VEZT: variants seen among roughly 807,000 people sequenced by gnomAD.
The protein encoded by VEZT is vezatin, adherens junctions transmembrane protein, also known as vezatin.
A neutral mutation model predicts 79.9 loss-of-function variants in VEZT; 39 were observed. That is an observed-to-expected ratio of 0.49 (90% CI 0.38 to 0.64). The LOEUF (loss-of-function observed/expected upper bound fraction) is 0.64. VEZT is among the 30% of genes least tolerant of loss of function. VEZT has a pLI of 0.00. For missense variants in VEZT, 837 were observed against 893.1 expected (o/e 0.94, Z 0.80); for synonymous variants, 325 against 327.6 (o/e 0.99, Z 0.09).
Position 95,300,660 on chromosome 12 carries a change from TAGA to T in VEZT, c.2332_2334del (p.Glu778del). The T allele has an allele frequency of 6.3e-7, 1 of 1,585,482 alleles. No homozygotes were observed. The highest frequency in any genetic ancestry group is 8.6e-7 in the Non-Finnish European group (1 of 1,163,858). On this transcript the variant is annotated inframe_deletion, in exon 12 of 12. Transcript: ENST00000436874. ...ATAATAGAAGAAAATAAAAATGAGATAGAAGAAAAGTAAGAACCAAGATTCATA... is the reference window on the plus strand; with the variant it reads ...ATAATAGAAGAAAATAAAAATGAGATAGAAAAGTAAGAACCAAGATTCATA...
chr12:95,236,015 C>T (rs1207859476), intron 1 of VEZT, among the ~76,000 whole-genome samples: 15 of 150,948 alleles, frequency 9.9e-5, no homozygotes, highest in Non-Finnish European at 7.4e-5. Flanking sequence ...ACTTCCCAGA[C>T]GGGGTGGCGG....
intron 1 of VEZT, among the ~76,000 whole-genome samples, chr12:95,241,692 A>G (rs2061043902): frequency 6.6e-6 from 1 of 152,180 alleles, no homozygotes; most frequent in African/African-American, 2.4e-5. Flanking sequence ...ATTTACTTTG[A>G]GAACCACTGC....
In VEZT at chr12:95,257,230, T is replaced by G. The variant is rs2063608455; in HGVS notation, c.249T>G (p.Leu83=). The G allele has an allele frequency of 6.2e-7, 1 of 1,607,886 alleles. No homozygotes were observed. The highest frequency in any genetic ancestry group is 1.3e-5 in the African/African-American group (1 of 74,876). ...AGTGCAATAAGAAAGATGACTTACTTCACAAGTTGGTAAGTGGTCACTTCT... is the reference window on the plus strand; with the variant it reads ...AGTGCAATAAGAAAGATGACTTACTGCACAAGTTGGTAAGTGGTCACTTCT... The part of the protein sequence containing the change: ...FSQCNKKDDL[L]HKLDIGFRLD... The change falls in exon 3 of 12, where the codon CTT becomes CTG. Residue 83 remains leucine, a synonymous_variant. Coordinates refer to ENST00000436874, the MANE Select transcript of VEZT (RefSeq NM_017599.4).
chr12:95,266,500 T>A lies in VEZT; in HGVS notation c.578T>A (p.Leu193Gln). Residue 193 changes from leucine to glutamine, a missense_variant, in exon 5 of 12, where the codon CTA becomes CAA. Physicochemically the swap from Leu to Gln is moderately radical, Grantham distance 113 (BLOSUM62 -2). Coordinates refer to ENST00000436874, the MANE Select transcript of VEZT (RefSeq NM_017599.4). ...TTGAGATTATGGAGGACAGCCAAAC[T>A]ACAAGTGACCCTAAAAAAATACAGC... ...RALRLWRTAK[L>Q]QVTLKKYSVH... 1 of 1,613,956 alleles carries A rather than the reference T, an allele frequency of 6.2e-7. No homozygotes were observed. Among genetic ancestry groups the A allele is most frequent in the East Asian group, 2.2e-5 (1 of 44,860 alleles).
At chr12:95,235,700 C>T (rs1000665607) in intron 1 of VEZT, among the ~76,000 whole-genome samples, 1 of 148,758 alleles carries the variant, frequency 6.7e-6, no homozygotes, top group African/African-American at 2.5e-5. Flanking sequence ...GACGGGGCGG[C>T]TGGCCGGGCG....
chr12:95,229,718 G>A (rs2058971306), intron 1 of VEZT, among the ~76,000 whole-genome samples: 1 of 152,110 alleles, frequency 6.6e-6, no homozygotes, highest in Non-Finnish European at 1.5e-5. Flanking sequence ...TGAGTTCCTA[G>A]AAGCAAATCA....
At chr12:95,262,602 C>G (rs1266883210) in intron 3 of VEZT, among the ~76,000 whole-genome samples, 1 of 152,168 alleles carries the variant, frequency 6.6e-6, no homozygotes, top group African/African-American at 2.4e-5. Context: ...CGTGCCCTAG[C>G]AATTTAATCA....
In VEZT at chr12:95,265,598, A is replaced by T. The variant is rs573693289; in HGVS notation, c.435-759A>T. ...GATTCCATATATTTTTTATTTTTTT[A>T]AAAGTGGTTTCAGAAGATGCCTATT... On this transcript the variant is annotated intron_variant, in intron 4 of 11. Coordinates refer to ENST00000436874, the MANE Select transcript of VEZT (RefSeq NM_017599.4). Among the ~76,000 whole-genome samples the T allele has an allele frequency of 7.9e-5, 12 of 151,724 alleles. No individual in the cohort carries two copies. The East Asian group carries it at 1.5e-3, about 20-fold the overall frequency.
intron 1 of VEZT, among the ~76,000 whole-genome samples, chr12:95,237,768 T>G (rs1348730500): frequency 6.6e-6 from 1 of 152,250 alleles, no homozygotes; most frequent in African/African-American, 2.4e-5. Context: ...CCTTAAAATT[T>G]CTTGACTTCT....
chr12:95,274,922 A>G (rs1391225326), intron 7 of VEZT, 33 bp downstream of exon 7: 1 of 1,601,722 alleles, frequency 6.2e-7, no homozygotes, highest in Admixed American at 1.8e-5. Flanking sequence ...GGGCTGAAGA[A>G]AAAATAGATG....
Position 95,287,749 on chromosome 12 carries a change from G to A in VEZT, c.1414G>A (p.Glu472Lys), listed in dbSNP as rs2071364264. ...AGTGTCAGAGGCTTATCCCATCCTAGAACAGAAATTAAAGTTGATTCAGCC... is the reference window on the plus strand; with the variant it reads ...AGTGTCAGAGGCTTATCCCATCCTAAAACAGAAATTAAAGTTGATTCAGCC... The part of the protein sequence containing the change: ...ELVSEAYPIL[E>K]QKLKLIQPHV... The change falls in exon 9 of 12, where the codon GAA becomes AAA. Residue 472 changes from glutamate (E) to lysine (K), a missense_variant. Physicochemically the swap from Glu to Lys is moderately conservative, Grantham distance 56. Coordinates refer to ENST00000436874, the MANE Select transcript of VEZT (RefSeq NM_017599.4). The A allele has an allele frequency of 1.9e-6, 3 of 1,604,468 alleles. No individual in the cohort carries two copies. The highest frequency in any genetic ancestry group is 2.2e-5 in the South Asian group (2 of 89,052).
At chr12:95,289,436 A>G (rs907636127) in intron 9 of VEZT, among the ~76,000 whole-genome samples, 2 of 150,730 alleles carry the variant, frequency 1.3e-5, no homozygotes, top group African/African-American at 2.4e-5. Flanking sequence ...AAAAAAAAAA[A>G]AAAAAAGAAA....
intron 11 of VEZT, chr12:95,297,008 C>T (rs1343095361): frequency 2.0e-5 from 3 of 152,208 alleles, no homozygotes; most frequent in African/African-American, 7.2e-5. Context: ...CAGTGAGCCA[C>T]ATCATTAGCA....
intron 1 of VEZT, among the ~76,000 whole-genome samples, chr12:95,240,073 G>GAAGGAAGGAAGGA (rs1491323550): frequency 4.0e-5 from 4 of 98,902 alleles, no homozygotes; most frequent in Non-Finnish European, 7.0e-5. Flanking sequence ...AGGAAGGAAG[G>GAAGGAAGGAAGGA]AAGAAAAGAA....
chr12:95,292,644 G>A (rs1165100769), intron 9 of VEZT, among the ~76,000 whole-genome samples: 1 of 150,850 alleles, frequency 6.6e-6, no homozygotes, highest in Admixed American at 6.6e-5. Flanking sequence ...CGCCTCCCAA[G>A]TTCAAGCAAT....
In VEZT at chr12:95,275,123, T is replaced by C. The variant is rs184176094; in HGVS notation, c.996+234T>C. Among the ~76,000 whole-genome samples, 3 of 152,322 alleles carry C rather than the reference T, an allele frequency of 2.0e-5. No individual in the cohort carries two copies. In the East Asian group the frequency reaches 5.8e-4, roughly 29 times the overall value. On this transcript the variant is annotated intron_variant, in intron 7 of 11. Coordinates refer to ENST00000436874, the MANE Select transcript of VEZT (RefSeq NM_017599.4). Reference sequence around the variant, plus strand: ...CAAATACTTAAAATGCTTAAAGAAATGCCTTAAATTAGAGTTTGGAGATAA... The same window carrying C: ...CAAATACTTAAAATGCTTAAAGAAACGCCTTAAATTAGAGTTTGGAGATAA...
At chr12:95,298,483 GT>G (rs1380009220) in intron 11 of VEZT, among the ~76,000 whole-genome samples, 2 of 152,082 alleles carry the variant, frequency 1.3e-5, no homozygotes, top group East Asian at 3.9e-4. Flanking sequence ...GTTTGTCTCT[GT>G]AACAAAATTA....
chr12:95,232,844 C>T (rs1042097261), intron 1 of VEZT, among the ~76,000 whole-genome samples: 11 of 151,972 alleles, frequency 7.2e-5, no homozygotes, highest in South Asian at 2.1e-4. Context: ...CTCACTCTGT[C>T]GCCCAGGCTG....
At chr12:95,220,218 G>T (rs2057362229) in intron 1 of VEZT, among the ~76,000 whole-genome samples, 1 of 152,214 alleles carries the variant, frequency 6.6e-6, no homozygotes, top group African/African-American at 2.4e-5. Flanking sequence ...ACTTTGGGAG[G>T]CTGAGGCAGA....
Sources: allele counts gnomAD v4.1 joint callset (sites outside exome capture counted in the v4.1 genomes callset), GRCh38; gene constraint gnomAD v4.1.1; transcripts MANE v1.5; gene names NCBI Gene and HGNC (gene_info 2026-07-23, HGNC 2026-07-21).